AKAP6: variants seen among roughly 807,000 people sequenced by gnomAD.
The protein encoded by AKAP6 is A-kinase anchoring protein 6, also known as A-kinase anchor protein 6.
A neutral mutation model predicts 188.5 loss-of-function variants in AKAP6; 58 were observed. The observed-to-expected ratio is 0.31, with a 90% CI of 0.25 to 0.38. The LOEUF (loss-of-function observed/expected upper bound fraction) is 0.38, where lower values mean the gene tolerates loss of function less well. Ranked by LOEUF, AKAP6 falls within the 10% of genes least tolerant of loss-of-function variation. AKAP6 has a pLI of 1.00. For synonymous variants in AKAP6, 989 were observed against 998.6 expected, an observed-to-expected ratio of 0.99 and a Z score of 0.18; for missense variants, 2,710 against 2,740.0, an observed-to-expected ratio of 0.99 and a Z score of 0.24.
At chr14:32,497,461 A>T (rs1880377556) in intron 2 of AKAP6, among the ~76,000 whole-genome samples, 1 of 152,160 alleles carries the variant, frequency 6.6e-6, no homozygotes, top group African/African-American at 2.4e-5. Context: ...GTCAGAGAAC[A>T]TACTTTTTAT....
At position 32,678,456 on chromosome 14, in the gene AKAP6, A is replaced by G; in HGVS notation, c.2876A>G (p.Asn959Ser). ...TCAAAAGTTCATTCAGTGGGAAGCA[A>G]TGGGTAGGGAACTATTCTTTTTGTT... ...DMSKVHSVGS[N>S]GLLDFDSEYQ... The change falls in exon 8 of 14, where the codon AAT becomes AGT. Residue 959 changes from asparagine to serine, a missense_variant. Physicochemically the swap from Asn to Ser is conservative, Grantham distance 46. Around this residue, in one of 2 missense-constraint regions of AKAP6, gnomAD observed 2,473 missense variants for 2,426.1 expected, o/e 1.02. Coordinates refer to ENST00000280979, the MANE Select transcript of AKAP6 (RefSeq NM_004274.5). The G allele has an allele frequency of 6.2e-7, 1 of 1,613,882 alleles. No individual in the cohort carries two copies. The highest frequency in any genetic ancestry group is 8.5e-7 in the Non-Finnish European group (1 of 1,179,834).
chr14:32,532,928 G>A (rs755306029), intron 2 of AKAP6, among the ~76,000 whole-genome samples: 29 of 152,142 alleles, frequency 1.9e-4, no homozygotes, highest in Non-Finnish European at 4.1e-4. Flanking sequence ...GCATGGATGA[G>A]GCTGAAGAGC....
Position 32,822,158 on chromosome 14 carries a change from C to G in AKAP6, c.4345C>G (p.His1449Asp). Residue 1449 changes from histidine (H) to aspartate (D), a missense_variant, in exon 13 of 14, where the codon CAT becomes GAT. Transcript: ENST00000280979. ...KVGDLNSITK[H>D]TPDCLGEELQ... ...TGGAGATTTAAACAGTATTACCAAA[C>G]ATACCCCTGACTGTTTGGGAGAAGA... The G allele has an allele frequency of 1.2e-6, 2 of 1,613,892 alleles. No homozygotes were observed. The highest frequency in any genetic ancestry group is 1.3e-5 in the African/African-American group (1 of 75,028).
At chr14:32,645,201 C>G (rs1594808101) in intron 7 of AKAP6, among the ~76,000 whole-genome samples, 4 of 152,006 alleles carry the variant, frequency 2.6e-5, no homozygotes, top group Admixed American at 2.6e-4. Context: ...AATAAAAACC[C>G]AATAATTTTT....
intron 2 of AKAP6, among the ~76,000 whole-genome samples, chr14:32,461,357 G>A (rs1208953606): frequency 6.6e-6 from 1 of 152,154 alleles, no homozygotes; most frequent in African/African-American, 2.4e-5. Flanking sequence ...TGCCCCTCTG[G>A]GACGAAGCTT....
intron 2 of AKAP6, among the ~76,000 whole-genome samples, chr14:32,448,813 T>C (rs553180881): frequency 1.4e-3 from 209 of 152,308 alleles, no homozygotes; most frequent in Non-Finnish European, 1.9e-3. Context: ...GATTTCAAAA[T>C]GGAAAGATCC....
chr14:32,412,711 C>T (rs1266340562), intron 1 of AKAP6, among the ~76,000 whole-genome samples: 1 of 152,184 alleles, frequency 6.6e-6, no homozygotes, highest in African/African-American at 2.4e-5. Context: ...CTAATAGTTA[C>T]ACTCTTCAAG....
chr14:32,466,053 G>A (rs535072246), intron 2 of AKAP6, among the ~76,000 whole-genome samples: 9 of 152,140 alleles, frequency 5.9e-5, no homozygotes, highest in African/African-American at 1.7e-4. Context: ...TTAGAATGGC[G>A]ATCATTAAAA....
chr14:32,759,614 G>A (rs1412913580), intron 11 of AKAP6, among the ~76,000 whole-genome samples: 1 of 152,132 alleles, frequency 6.6e-6, no homozygotes, highest in Non-Finnish European at 1.5e-5. Flanking sequence ...CAGTTCTGCA[G>A]GCTTCACAGG....
intron 2 of AKAP6, among the ~76,000 whole-genome samples, chr14:32,470,660 A>G (rs529307635): frequency 2.0e-4 from 30 of 152,356 alleles, no homozygotes; most frequent in Middle Eastern, 3.4e-3. Flanking sequence ...TAAGTTCGGT[A>G]TGATAGAATC....
At chr14:32,372,847 AAAAG>A (rs1299842024) in intron 1 of AKAP6, among the ~76,000 whole-genome samples, 24 of 151,432 alleles carry the variant, frequency 1.6e-4, no homozygotes, top group South Asian at 8.4e-4. Flanking sequence ...AGGAGAGAGA[AAAAG>A]AAAGAGAGCG....
At chr14:32,466,846 TTTTCTTTCTTAGCAAGACTAATTCATTA>T (rs1878483664) in intron 2 of AKAP6, among the ~76,000 whole-genome samples, 20 of 142,438 alleles carry the variant, frequency 1.4e-4, no homozygotes, top group African/African-American at 3.6e-4. Context: ...TATATATATA[TTTTCTTTCTTAGCAAGACTAATTCATTA>T]ATATATATGT....
rs995146746 is a variant in AKAP6 at position 32,825,048 on chromosome 14, C to T, written c.*42+233C>T. Among the ~76,000 whole-genome samples the T allele has an allele frequency of 2.0e-5, 3 of 151,872 alleles. No individual in the cohort carries two copies. In the South Asian group the frequency reaches 6.2e-4, roughly 32 times the overall value. The stretch of plus-strand genomic sequence containing the variant: ...CATTATCTTTATTACATAATTCTGG[C>T]AAGAATACAAAATTTGAGGAAGTAG... On this transcript the variant is annotated intron_variant, in intron 13 of 13. Transcript: ENST00000280979.
intron 1 of AKAP6, among the ~76,000 whole-genome samples, chr14:32,349,547 A>G (rs12717220): frequency 0.31 from 47,689 of 152,122 alleles, 8,164 homozygotes; most frequent in African/African-American, 0.46. Flanking sequence ...AGTGAGTAAT[A>G]GGATACAATT....
At chr14:32,718,362 A>G (rs1280283776) in intron 9 of AKAP6, 2 of 984,090 alleles carry the variant, frequency 2.0e-6, no homozygotes, top group African/African-American at 1.7e-5. Context: ...ATTTTGTCAA[A>G]ATATTTTTCT....
In AKAP6 at chr14:32,560,223, C is replaced by A. The variant is rs539527063; in HGVS notation, c.2346+13224C>A. 3.3e-5 allele frequency among the ~76,000 whole-genome samples: 5 copies of A among 152,178 alleles called. No individual in the cohort carries two copies. In the East Asian group the frequency reaches 5.8e-4, roughly 18 times the overall value. ...AATTCTTTTTAAGGATAATAAAAATCTTTTGTGTATATTTTATTTGTTGCA... is the reference window on the plus strand; with the variant it reads ...AATTCTTTTTAAGGATAATAAAAATATTTTGTGTATATTTTATTTGTTGCA... On this transcript the variant is annotated intron_variant, in intron 4 of 13. Coordinates refer to ENST00000280979, the MANE Select transcript of AKAP6 (RefSeq NM_004274.5).
chr14:32,332,964 G>A (rs1473184771), intron 1 of AKAP6, among the ~76,000 whole-genome samples: 1 of 152,054 alleles, frequency 6.6e-6, no homozygotes, highest in Non-Finnish European at 1.5e-5. Flanking sequence ...CGTCATTATT[G>A]GGCTCTAAGG....
chr14:32,758,286 C>T (rs2032413351), intron 11 of AKAP6, among the ~76,000 whole-genome samples: 1 of 152,200 alleles, frequency 6.6e-6, no homozygotes, highest in Non-Finnish European at 1.5e-5. Context: ...AGCCAGCTGG[C>T]AGCCTACATC....
intron 1 of AKAP6, among the ~76,000 whole-genome samples, chr14:32,348,505 C>A (rs905044442): frequency 1.0e-4 from 15 of 150,750 alleles, no homozygotes; most frequent in African/African-American, 3.4e-4. Flanking sequence ...ACCTCTGCCT[C>A]CTGAGTTCAA....
Sources: gnomAD v4.1 joint callset for allele counts (sites outside exome capture counted in the v4.1 genomes callset) on GRCh38, gnomAD v4.1.1 for gene constraint, gnomAD v4.1.1 regional missense constraint, MANE v1.5 for transcripts, NCBI Gene and HGNC (gene_info 2026-07-23, HGNC 2026-07-21) for gene names.